TMEM117: variants seen among roughly 807,000 people sequenced by gnomAD.
The protein encoded by TMEM117 is transmembrane protein 117.
Under a neutral mutation model 52.4 loss-of-function variants are expected in TMEM117, and 27 were observed. The ratio of observed to expected loss-of-function variants is 0.51; its 90% CI spans 0.38 to 0.71. The LOEUF is 0.71. Ranked by LOEUF, TMEM117 falls within the 30% of genes least tolerant of loss-of-function variation. The pLI is 0.00. For synonymous variants in TMEM117, 215 were observed against 206.3 expected, an observed-to-expected ratio of 1.04 and a Z score of -0.36; for missense variants, 556 against 630.5, an observed-to-expected ratio of 0.88 and a Z score of 1.26.
intron 6 of TMEM117, among the ~76,000 whole-genome samples, chr12:44,311,789 ATATATATG>A (rs1205132145): frequency 8.8e-4 from 29 of 32,882 alleles, no homozygotes; most frequent in Middle Eastern, 0.012. Context: ...GTATATATGT[ATATATATG>A]TATATATGTA....
At chr12:43,859,737 A>C (rs756332273) in intron 2 of TMEM117, among the ~76,000 whole-genome samples, 1 of 152,180 alleles carries the variant, frequency 6.6e-6, no homozygotes, top group Non-Finnish European at 1.5e-5. Context: ...TATGTGAGGA[A>C]GACTGATAGT....
intron 3 of TMEM117, among the ~76,000 whole-genome samples, chr12:44,015,913 A>C (rs1946366967): frequency 6.6e-6 from 1 of 152,232 alleles, no homozygotes; most frequent in Non-Finnish European, 1.5e-5. Flanking sequence ...GAAAATTTTG[A>C]TGTAGAGAGT....
At chr12:43,981,022 C>T (rs1945751710) in intron 3 of TMEM117, among the ~76,000 whole-genome samples, 1 of 152,054 alleles carries the variant, frequency 6.6e-6, no homozygotes, top group Admixed American at 6.6e-5. Flanking sequence ...TATTATCTGC[C>T]CTCGCCCTTT....
intron 4 of TMEM117, 22 bp downstream of exon 4, chr12:44,143,646 C>A (rs772792620): frequency 6.5e-7 from 1 of 1,536,762 alleles, no homozygotes; most frequent in East Asian, 2.2e-5. Context: ...TTAACTTCAC[C>A]CATTTCAAAC....
rs1185340451 is a variant in TMEM117, at chr12:44,291,374, GTT to G, written c.609-8184_609-8183del. Among the ~76,000 whole-genome samples, 27 of 71,452 alleles carry G rather than the reference GTT, an allele frequency of 3.8e-4. 1 individual carries two copies. The highest frequency in any genetic ancestry group is 1.3e-3 in the African/African-American group (22 of 17,294). 46.9% of individuals were successfully genotyped at this position (71,452 alleles called of 152,430 possible). ...CTCAATTTGTTTATTAGTTCTAACAGTTTTTTTTTTTTTTTTTTTTTTTGGTG... is the reference window on the plus strand; with the variant it reads ...CTCAATTTGTTTATTAGTTCTAACAGTTTTTTTTTTTTTTTTTTTTTGGTG... On this transcript the variant is annotated intron_variant, in intron 5 of 7. Coordinates refer to ENST00000266534, the MANE Select transcript of TMEM117 (RefSeq NM_032256.3).
intron 4 of TMEM117, among the ~76,000 whole-genome samples, chr12:44,167,847 T>TA (rs1375633448): frequency 6.6e-6 from 1 of 152,168 alleles, no homozygotes; most frequent in Non-Finnish European, 1.5e-5. Context: ...CTCTAGTGTG[T>TA]AATTCAGTGC....
At chr12:43,899,378 A>G (rs1944266950) in intron 2 of TMEM117, among the ~76,000 whole-genome samples, 1 of 152,254 alleles carries the variant, frequency 6.6e-6, no homozygotes, top group South Asian at 2.1e-4. Context: ...TCATCGTTAA[A>G]AATATAAACT....
intron 6 of TMEM117, among the ~76,000 whole-genome samples, chr12:44,374,627 T>C (rs1951914602): frequency 6.6e-6 from 1 of 150,462 alleles, no homozygotes; most frequent in African/African-American, 2.5e-5. Flanking sequence ...TGTGTGTGTG[T>C]GTGTGTGTGT....
chr12:43,876,820 G>A (rs780355518), intron 2 of TMEM117, among the ~76,000 whole-genome samples: 2 of 152,122 alleles, frequency 1.3e-5, no homozygotes, highest in Non-Finnish European at 2.9e-5. Context: ...ATTATACTTA[G>A]TTTAAAATAC....
chr12:43,885,214 A>G (rs571345431), intron 2 of TMEM117, among the ~76,000 whole-genome samples: 1 of 152,254 alleles, frequency 6.6e-6, no homozygotes, highest in South Asian at 2.1e-4. Context: ...TTTGGTGTGA[A>G]CAATTCAGCT....
intron 4 of TMEM117, among the ~76,000 whole-genome samples, chr12:44,202,392 G>T (rs1456336019): frequency 7.2e-6 from 1 of 138,836 alleles, no homozygotes; most frequent in African/African-American, 3.4e-5. Flanking sequence ...CTATTAAGAT[G>T]ATCACGTGGT....
intron 2 of TMEM117, among the ~76,000 whole-genome samples, chr12:43,901,534 A>AC (rs1411777854): frequency 6.6e-6 from 1 of 151,090 alleles, no homozygotes; most frequent in Non-Finnish European, 1.5e-5. Context: ...CTGGTCTTGA[A>AC]CTCCTGACCT....
intron 3 of TMEM117, among the ~76,000 whole-genome samples, chr12:44,060,906 G>A (rs1196579992): frequency 1.3e-5 from 2 of 152,156 alleles, no homozygotes; most frequent in Non-Finnish European, 2.9e-5. Context: ...GAGAGAAAAG[G>A]AGACGTTAAC....
rs1000537430 is a variant in TMEM117 at position 43,961,846 on chromosome 12, G to A, written c.410+17504G>A. ...TAGGAAATAATTACTTTCTAGTCATGGAAAATTGATGTATATTGATAGCCT... is the reference window on the plus strand; with the variant it reads ...TAGGAAATAATTACTTTCTAGTCATAGAAAATTGATGTATATTGATAGCCT... On this transcript the variant is annotated intron_variant, in intron 3 of 7. Coordinates refer to ENST00000266534, the MANE Select transcript of TMEM117 (RefSeq NM_032256.3). 7.9e-5 allele frequency among the ~76,000 whole-genome samples: 12 copies of A among 152,152 alleles called. No individual in the cohort carries two copies. In the South Asian group the frequency reaches 8.3e-4, roughly 11 times the overall value.
chr12:44,116,585 A>G (rs1239873111), intron 3 of TMEM117, among the ~76,000 whole-genome samples: 1 of 152,220 alleles, frequency 6.6e-6, no homozygotes, highest in Non-Finnish European at 1.5e-5. Flanking sequence ...TAGTATTTCA[A>G]CTACTTACTG....
chr12:44,326,473 A>G (rs1056819590), intron 6 of TMEM117, among the ~76,000 whole-genome samples: 1 of 152,174 alleles, frequency 6.6e-6, no homozygotes, highest in Non-Finnish European at 1.5e-5. Context: ...GGACTGATGG[A>G]GGAAAGGGAG....
At chr12:44,197,429 C>T (rs1238875437) in intron 4 of TMEM117, among the ~76,000 whole-genome samples, 1 of 152,030 alleles carries the variant, frequency 6.6e-6, no homozygotes, top group African/African-American at 2.4e-5. Context: ...TTCTTTCAGG[C>T]AAAAATAAAT....
chr12:44,225,781 C>T (rs1014440939), intron 5 of TMEM117, among the ~76,000 whole-genome samples: 5 of 152,104 alleles, frequency 3.3e-5, no homozygotes, highest in Non-Finnish European at 7.4e-5. Context: ...CCATGATTTT[C>T]TGCACTATGG....
intron 6 of TMEM117, among the ~76,000 whole-genome samples, chr12:44,374,330 G>A (rs887404549): frequency 6.6e-6 from 1 of 151,610 alleles, no homozygotes; most frequent in Non-Finnish European, 1.5e-5. Flanking sequence ...ATTATAAAAA[G>A]TAAAATAGAA....
Sources: gnomAD v4.1 joint callset for allele counts (sites outside exome capture counted in the v4.1 genomes callset) on GRCh38, gnomAD v4.1.1 for gene constraint, MANE v1.5 for transcripts, NCBI Gene and HGNC (gene_info 2026-07-23, HGNC 2026-07-21) for gene names.